The following EGLN3 variants were observed in gnomAD, a reference collection of about 807,000 sequenced individuals.
EGLN3 encodes the protein egl-9 family hypoxia inducible factor 3.
In EGLN3, 15 loss-of-function variants were observed where a neutral mutation model predicts 26.0. The observed-to-expected ratio is 0.58, with a 90% CI of 0.39 to 0.89. EGLN3 has a LOEUF of 0.89. Among genes scored for constraint, EGLN3 ranks in the 40% least tolerant of loss-of-function variants. The pLI, the probability that EGLN3 is intolerant of heterozygous loss-of-function variation, is 0.00. For synonymous variants in EGLN3, 147 were observed against 127.2 expected (o/e 1.16, Z -1.05); for missense variants, 238 against 311.6 (o/e 0.76, Z 1.78).
chr14:33,941,522 C>T (rs1233205440), intron 1 of EGLN3, among the ~76,000 whole-genome samples: 1 of 151,858 alleles, frequency 6.6e-6, no homozygotes, highest in African/African-American at 2.4e-5. Flanking sequence ...TAAGCTGCAG[C>T]CACCCATCTT....
intron 3 of EGLN3, among the ~76,000 whole-genome samples, chr14:33,927,730 C>T (rs1855411790): frequency 1.3e-5 from 2 of 152,042 alleles, no homozygotes; most frequent in Admixed American, 1.3e-4. Context: ...AAGTTGGTGG[C>T]GAGAACATAG....
chr14:33,928,932 T>C lies in EGLN3; in HGVS notation c.614+144A>G, dbSNP rs963269910. 20 of 987,986 alleles carry C rather than the reference T, an allele frequency of 2.0e-5. No individual in the cohort carries two copies. The African/African-American group carries it at 3.2e-4, about 16-fold the overall frequency. 61.2% of individuals were successfully genotyped at this position (987,986 alleles called of 1,614,324 possible). On this transcript the variant is annotated intron_variant, in intron 3 of 4. Coordinates refer to ENST00000250457, the MANE Select transcript of EGLN3 (RefSeq NM_022073.4). ...AAAGAACGCAAAGTTTCCCCTTTAA[T>C]TTTTGTAGACTCCAAACAAGTTTGC... is the stretch of plus-strand genomic sequence containing the variant.
intron 1 of EGLN3, among the ~76,000 whole-genome samples, chr14:33,931,588 T>C (rs1422143462): frequency 6.6e-6 from 1 of 152,220 alleles, no homozygotes; most frequent in East Asian, 1.9e-4. Context: ...AAAATCAGAG[T>C]CACTAGGTGT....
rs754744181 is a variant in EGLN3 at position 33,934,478 on chromosome 14, A to AAAC, written c.358-3264_358-3263insGTT. 3.4e-4 allele frequency among the ~76,000 whole-genome samples: 51 copies of AAAC among 151,998 alleles called. 1 individual carries two copies. The highest frequency in any genetic ancestry group is 2.9e-3 in the South Asian group (14 of 4,816). ...TGAGCTGACTTCATAAAAAAAAAAA[A>AAAC]AAAACCTATCTCATCAAGTCCAAAG... On this transcript the variant is annotated intron_variant, in intron 1 of 4. Transcript: ENST00000250457.
In EGLN3 at chr14:33,931,078, C is replaced by T. The variant is rs1459977594; in HGVS notation, c.477+18G>A. 6.2e-7 allele frequency: 1 copy of T among 1,614,048 alleles called. No homozygotes were observed. Among genetic ancestry groups the T allele is most frequent in the South Asian group, 1.1e-5 (1 of 91,048 alleles). ...GTAGTTTCTAACCCCACACTCTACT[C>T]CCATTATTCAAAAGTACCTTGGCAT... On this transcript the variant is annotated intron_variant, in intron 2 of 4. Coordinates refer to ENST00000250457, the MANE Select transcript of EGLN3 (RefSeq NM_022073.4).
chr14:33,938,990 C>T (rs554090519), intron 1 of EGLN3, among the ~76,000 whole-genome samples: 1 of 152,314 alleles, frequency 6.6e-6, no homozygotes, highest in Admixed American at 6.5e-5. Context: ...ACCTATGGCT[C>T]TCTAAAGGCT....
chr14:33,932,041 G>A (rs2064408513), intron 1 of EGLN3, among the ~76,000 whole-genome samples: 1 of 152,152 alleles, frequency 6.6e-6, no homozygotes, highest in Non-Finnish European at 1.5e-5. Flanking sequence ...GAGTGGGGAG[G>A]GGGAAGAAAG....
chr14:33,931,321 C>T, intron 1 of EGLN3, 106 bp from the exon 2 acceptor site: 1 of 1,524,274 alleles, frequency 6.6e-7, no homozygotes, highest in Non-Finnish European at 8.9e-7. Flanking sequence ...TGTTACGTGA[C>T]ATTTACAGGT....
chr14:33,949,089 T>C (rs908111577), intron 1 of EGLN3: 2 of 152,210 alleles, frequency 1.3e-5, no homozygotes, highest in South Asian at 2.1e-4. Flanking sequence ...GAAAGCAGTA[T>C]CTTCTAAGAT....
intron 1 of EGLN3, among the ~76,000 whole-genome samples, chr14:33,941,297 G>A (rs779335054): frequency 1.6e-4 from 25 of 152,094 alleles, no homozygotes; most frequent in Non-Finnish European, 2.6e-4. Flanking sequence ...AGAACCTGGG[G>A]CCCTAAGCCT....
chr14:33,934,281 GA>G (rs2064424587), intron 1 of EGLN3, among the ~76,000 whole-genome samples: 3 of 152,030 alleles, frequency 2.0e-5, no homozygotes, highest in Non-Finnish European at 4.4e-5. Flanking sequence ...CTCTAGACCA[GA>G]ATATGTGCTC....
Position 33,930,834 on chromosome 14 carries a change from C to G in EGLN3, c.477+262G>C, listed in dbSNP as rs552063405. 6.6e-5 allele frequency among the ~76,000 whole-genome samples: 10 copies of G among 152,026 alleles called. No homozygotes were observed. In the South Asian group the frequency reaches 2.1e-3, roughly 32 times the overall value. ...AATCCTTAATCCTAATATCAAATTA[C>G]CTTCCCTTCATCAACCACCCTTCCC... is the stretch of plus-strand genomic sequence containing the variant. On this transcript the variant is annotated intron_variant, in intron 2 of 4. Coordinates refer to ENST00000250457, the MANE Select transcript of EGLN3 (RefSeq NM_022073.4).
chr14:33,925,714 C>A lies in EGLN3; in HGVS notation c.*177G>T. 2 of 678,774 alleles carry A rather than the reference C, an allele frequency of 2.9e-6. No homozygotes were observed. The highest frequency in any genetic ancestry group is 5.0e-6 in the Non-Finnish European group (2 of 403,534). 42.0% of individuals were successfully genotyped at this position (678,774 alleles called of 1,614,324 possible). A position where few individuals can be genotyped will look rare whatever the true frequency, so the allele number is the denominator to read the frequency against. ...TCTGGCAAAGAGAGTATCTGAAGATCAACACAGTCTTGGCAAGAAAACATG... is the reference window on the plus strand; with the variant it reads ...TCTGGCAAAGAGAGTATCTGAAGATAAACACAGTCTTGGCAAGAAAACATG... On this transcript the variant is annotated 3_prime_UTR_variant, in exon 5 of 5. Transcript: ENST00000250457.
chr14:33,931,181 C>T lies in EGLN3; in HGVS notation c.392G>A (p.Gly131Asp). 6.2e-7 allele frequency: 1 copy of T among 1,614,186 alleles called. No homozygotes were observed. The highest frequency in any genetic ancestry group is 8.5e-7 in the Non-Finnish European group (1 of 1,180,020). ...MVACYPGNGT[G>D]YVRHVDNPNG... ...GGGGTTGTCCACGTGGCGAACATAACCTGTTCCATTTCCCGGATAGCAAGC... is the reference window on the plus strand; with the variant it reads ...GGGGTTGTCCACGTGGCGAACATAATCTGTTCCATTTCCCGGATAGCAAGC... Residue 131 changes from glycine (G) to aspartate (D), a missense_variant, in exon 2 of 5, where the codon GGT becomes GAT. Physicochemically the swap from Gly to Asp is moderately conservative, Grantham distance 94. Coordinates refer to ENST00000250457, the MANE Select transcript of EGLN3 (RefSeq NM_022073.4).
At chr14:33,933,636 C>A (rs540203374) in intron 1 of EGLN3, among the ~76,000 whole-genome samples, 43 of 152,112 alleles carry the variant, frequency 2.8e-4, no homozygotes, top group Non-Finnish European at 5.3e-4. Flanking sequence ...TGGATGAGTG[C>A]CATAGGAGAT....
rs745824867 is a variant in EGLN3 at position 33,950,698 on chromosome 14, T to G, written c.55A>C (p.Ile19Leu). The change falls in exon 1 of 5, where the codon ATC becomes CTC. Residue 19 changes from isoleucine (I) to leucine (L), a missense_variant. Physicochemically the swap from Ile to Leu is conservative, Grantham distance 5. Transcript: ENST00000250457. The part of the protein sequence containing the change: ...LDLEKIALEY[I>L]VPCLHEVGFC... The stretch of plus-strand genomic sequence containing the variant: ...CCCACCTCGTGCAGACAGGGCACGA[T>G]GTACTCCAGGGCAATTTTCTCCAGG... The G allele has an allele frequency of 1.2e-6, 2 of 1,613,914 alleles. No individual in the cohort carries two copies. The highest frequency in any genetic ancestry group is 2.2e-5 in the South Asian group (2 of 91,082).
chr14:33,931,316 C>CG, intron 1 of EGLN3, 101 bp from the exon 2 acceptor site: 1 of 1,545,292 alleles, frequency 6.5e-7, no homozygotes, highest in Non-Finnish European at 8.8e-7. Flanking sequence ...TTGGGTGTTA[C>CG]GTGACATTTA....
chr14:33,935,670 T>A (rs561894373), intron 1 of EGLN3, among the ~76,000 whole-genome samples: 1 of 152,086 alleles, frequency 6.6e-6, no homozygotes, highest in Non-Finnish European at 1.5e-5. Flanking sequence ...GAGATCACTG[T>A]GTGAGGACTT....
At chr14:33,947,766 T>A (rs1479221296) in intron 1 of EGLN3, among the ~76,000 whole-genome samples, 1 of 152,188 alleles carries the variant, frequency 6.6e-6, no homozygotes, top group Non-Finnish European at 1.5e-5. Flanking sequence ...AAAATAAATT[T>A]AAGGGCCGGG....
Sources: gnomAD v4.1 joint callset for allele counts (sites outside exome capture counted in the v4.1 genomes callset) on GRCh38, gnomAD v4.1.1 for gene constraint, MANE v1.5 for transcripts, NCBI Gene and HGNC (gene_info 2026-07-23, HGNC 2026-07-21) for gene names.